DCDC2C: variants seen among roughly 807,000 people sequenced by gnomAD.
DCDC2C encodes the protein doublecortin domain-containing protein 2C.
Under a neutral mutation model 45.0 loss-of-function variants are expected in DCDC2C, and 44 were observed. The ratio of observed to expected loss-of-function variants is 0.98; its 90% CI spans 0.77 to 1.26. The LOEUF (loss-of-function observed/expected upper bound fraction) is 1.26. Among genes scored for constraint, DCDC2C ranks in the 50% most tolerant of loss-of-function variants. DCDC2C has a pLI of 0.00. For synonymous variants in DCDC2C, 187 were observed against 178.8 expected, an observed-to-expected ratio of 1.05 and a Z score of -0.37; for missense variants, 447 against 468.9, an observed-to-expected ratio of 0.95 and a Z score of 0.43.
intron 10 of DCDC2C, among the ~76,000 whole-genome samples, chr2:3,803,439 G>A (rs879259787): frequency 1.4e-4 from 21 of 152,212 alleles, no homozygotes; most frequent in Non-Finnish European, 2.8e-4. Flanking sequence ...GCTTCACTTT[G>A]TGGGTGGGTT....
At chr2:3,807,825 G>A (rs1671291269) in intron 10 of DCDC2C, among the ~76,000 whole-genome samples, 1 of 152,052 alleles carries the variant, frequency 6.6e-6, no homozygotes, top group African/African-American at 2.4e-5. Context: ...CTGGAATTAT[G>A]GAGCATACGC....
chr2:3,827,226 C>T (rs560851342), intron 10 of DCDC2C, among the ~76,000 whole-genome samples: 6 of 152,248 alleles, frequency 3.9e-5, no homozygotes, highest in Non-Finnish European at 7.4e-5. Flanking sequence ...CTCAGAGCTG[C>T]CTGAAGGCTA....
chr2:3,757,195 T>C (rs1282767547), intron 6 of DCDC2C, among the ~76,000 whole-genome samples: 1 of 152,242 alleles, frequency 6.6e-6, no homozygotes, highest in African/African-American at 2.4e-5. Flanking sequence ...AATGTGTTTG[T>C]TTCTTTACTT....
chr2:3,704,060 A>G, intron 1 of DCDC2C, 22 bp downstream of exon 1: 1 of 1,244,792 alleles, frequency 8.0e-7, no homozygotes, highest in East Asian at 3.2e-5. Context: ...CGCGCCCCCC[A>G]CGCGCCCTGC....
intron 10 of DCDC2C, among the ~76,000 whole-genome samples, chr2:3,796,795 A>G (rs1450153504): frequency 6.8e-6 from 1 of 148,038 alleles, no homozygotes; most frequent in Non-Finnish European, 1.5e-5. Flanking sequence ...GGATTTTTGC[A>G]TCAATGTTCA....
intron 6 of DCDC2C, among the ~76,000 whole-genome samples, chr2:3,765,357 A>G (rs1350491439): frequency 6.6e-6 from 1 of 152,202 alleles, no homozygotes; most frequent in African/African-American, 2.4e-5. Context: ...ATAGGGACAC[A>G]TCAAAGAGAC....
In DCDC2C at chr2:3,817,494, G is replaced by A. The variant is rs139396276; in HGVS notation, c.1066-29660G>A. Among the ~76,000 whole-genome samples the A allele has an allele frequency of 7.0e-3, 1,070 of 152,308 alleles. 12 individuals are homozygous for A. The highest frequency in any genetic ancestry group is 0.024 in the African/African-American group (1,011 of 41,564). ...GTGGGGCAGAAAATATATGCATCAG[G>A]TGTGAGGAAGAAAATAGATTTTGGA... is the stretch of plus-strand genomic sequence containing the variant. On this transcript the variant is annotated intron_variant, in intron 10 of 10. Transcript: ENST00000399143.
At chr2:3,735,233 T>A (rs564234815) in intron 3 of DCDC2C, among the ~76,000 whole-genome samples, 18 of 152,088 alleles carry the variant, frequency 1.2e-4, no homozygotes, top group East Asian at 1.2e-3. Flanking sequence ...TTCTTTTTTT[T>A]ATTTTTATTT....
chr2:3,838,544 A>T (rs572346915), intron 10 of DCDC2C, among the ~76,000 whole-genome samples: 1 of 152,230 alleles, frequency 6.6e-6, no homozygotes, highest in South Asian at 2.1e-4. Flanking sequence ...CTCAGTAGAC[A>T]ACTACTCAGA....
At chr2:3,727,342 C>G (rs1018184444) in intron 3 of DCDC2C, among the ~76,000 whole-genome samples, 1 of 152,106 alleles carries the variant, frequency 6.6e-6, no homozygotes, top group Non-Finnish European at 1.5e-5. Flanking sequence ...ATCACCATGC[C>G]GTTGTTTGCA....
chr2:3,720,383 T>TCC (rs10655210), intron 2 of DCDC2C, among the ~76,000 whole-genome samples: 14,510 of 152,100 alleles, frequency 0.095, 2,342 homozygotes, highest in African/African-American at 0.33. Flanking sequence ...TCTCCCTGCC[T>TCC]CCCTAAAGAG....
intron 3 of DCDC2C, among the ~76,000 whole-genome samples, chr2:3,732,087 AGG>A (rs1294309296): frequency 1.3e-5 from 2 of 152,184 alleles, no homozygotes; most frequent in East Asian, 3.9e-4. Context: ...AGGGAAGCGC[AGG>A]CAGATCGAGA....
chr2:3,750,982 A>G (rs960120160), intron 4 of DCDC2C, among the ~76,000 whole-genome samples: 1 of 152,136 alleles, frequency 6.6e-6, no homozygotes, highest in African/African-American at 2.4e-5. Flanking sequence ...CACCTGCTCC[A>G]TGTCCATTCT....
chr2:3,716,075 G>C (rs1402552558), intron 2 of DCDC2C, among the ~76,000 whole-genome samples: 1 of 152,198 alleles, frequency 6.6e-6, no homozygotes, highest in Non-Finnish European at 1.5e-5. Flanking sequence ...CATGGACCTT[G>C]AGCAAGAGTG....
intron 6 of DCDC2C, 140 bp downstream of exon 6, chr2:3,754,774 G>A: frequency 1.5e-6 from 1 of 668,922 alleles, no homozygotes; most frequent in Non-Finnish European, 2.5e-6. Context: ...ATCAGTGCCA[G>A]GCTTATAAGG....
At chr2:3,768,597 G>C (rs973994120) in intron 7 of DCDC2C, among the ~76,000 whole-genome samples, 1 of 152,152 alleles carries the variant, frequency 6.6e-6, no homozygotes, top group African/African-American at 2.4e-5. Context: ...ATTTTGAGAT[G>C]ATGCCTCACT....
intron 10 of DCDC2C, among the ~76,000 whole-genome samples, chr2:3,833,112 C>A (rs1671991351): frequency 6.6e-6 from 1 of 152,334 alleles, no homozygotes; most frequent in South Asian, 2.1e-4. Flanking sequence ...AAGGCAGTAA[C>A]CCTGCATCCC....
chr2:3,779,893 G>A (rs541693701), intron 9 of DCDC2C, among the ~76,000 whole-genome samples: 37 of 152,268 alleles, frequency 2.4e-4, no homozygotes, highest in Middle Eastern at 3.4e-3. Context: ...CACCCCCGGC[G>A]CCTGACACAA....
intron 10 of DCDC2C, among the ~76,000 whole-genome samples, chr2:3,795,235 G>T (rs1210680681): frequency 6.6e-6 from 1 of 151,842 alleles, no homozygotes; most frequent in Admixed American, 6.6e-5. Flanking sequence ...TTGTAAATTT[G>T]TTTTGAGTTC....
Sources: gnomAD v4.1 joint callset for allele counts (sites outside exome capture counted in the v4.1 genomes callset) on GRCh38, gnomAD v4.1.1 for gene constraint, MANE v1.5 for transcripts, NCBI Gene and HGNC (gene_info 2026-07-23, HGNC 2026-07-21) for gene names.